FCSK: variants seen among roughly 807,000 people sequenced by gnomAD.
The protein encoded by FCSK is fucose kinase, also known as L-fucose kinase.
Under a neutral mutation model 122.5 loss-of-function variants are expected in FCSK, and 123 were observed. The ratio of observed to expected loss-of-function variants is 1.00; its 90% CI spans 0.87 to 1.17. The LOEUF (loss-of-function observed/expected upper bound fraction) is 1.17. Ranked by LOEUF, FCSK falls within the 50% of genes most tolerant of loss-of-function variation. The pLI is 0.00. For synonymous variants in FCSK, 620 were observed against 625.5 expected, an observed-to-expected ratio of 0.99 and a Z score of 0.13; for missense variants, 1,366 against 1,450.4, an observed-to-expected ratio of 0.94 and a Z score of 0.95.
At chr16:70,470,617 C>T (rs1430791467) in intron 11 of FCSK, among the ~76,000 whole-genome samples, 191 bp downstream of exon 11, 2 of 152,190 alleles carry the variant, frequency 1.3e-5, no homozygotes, top group Non-Finnish European at 2.9e-5. Context: ...CAGTAAGTGG[C>T]CAACTCAGGA....
Position 70,463,153 on chromosome 16 carries a change from C to T in FCSK, c.-22-16C>T, listed in dbSNP as rs767795572. On this transcript the variant is annotated splice_polypyrimidine_tract_variant and intron_variant, in intron 1 of 23. Transcript: ENST00000288078. ...GGTTTAAAAAATAGTCACATCTACC[C>T]ATATTGCTGTCTCAGGAAGCCCCTC... 3.5e-6 allele frequency: 5 copies of T among 1,441,162 alleles called. No homozygotes were observed. Among genetic ancestry groups the T allele is most frequent in the Non-Finnish European group, 4.9e-6 (5 of 1,026,934 alleles). The allele number at this position is 1,441,162 out of a possible 1,614,324, so 89.3% of individuals were successfully genotyped here. A position where few individuals can be genotyped will look rare whatever the true frequency, so the allele number is the denominator to read the frequency against.
chr16:70,478,873 A>C, intron 22 of FCSK: 1 of 699,030 alleles, frequency 1.4e-6, no homozygotes, highest in East Asian at 2.7e-5. Context: ...CCTAACAGGA[A>C]GCAGAGAGGG....
At chr16:70,470,540 AC>A (rs1265561575) in intron 11 of FCSK, 114 bp downstream of exon 11, 1 of 685,190 alleles carries the variant, frequency 1.5e-6, no homozygotes, top group Non-Finnish European at 2.5e-6. Context: ...TGCAGGTGTT[AC>A]CCTGGTTTAC....
chr16:70,458,386 C>G (rs1052759657), intron 1 of FCSK, among the ~76,000 whole-genome samples: 2 of 151,048 alleles, frequency 1.3e-5, no homozygotes, highest in Non-Finnish European at 2.9e-5. Flanking sequence ...TCTCAAACTC[C>G]TGACCTCAGG....
Position 70,474,312 on chromosome 16 carries a change from C to T in FCSK, c.1961C>T (p.Ala654Val), listed in dbSNP as rs781368790. The T allele has an allele frequency of 8.1e-6, 13 of 1,613,472 alleles. No individual in the cohort carries two copies. The highest frequency in any genetic ancestry group is 1.1e-5 in the Non-Finnish European group (13 of 1,179,910). The change falls in exon 16 of 24, where the codon GCC (alanine) becomes GTC (valine). Residue 654 changes from alanine to valine, a missense_variant. Transcript: ENST00000288078. ...CTGGCAGCGGGCGTGGAGGCGCTTG[C>T]CCAGGAGAGGGACAAGTGGCTAAGC... ...GDLAAGVEAL[A>V]QERDKWLSRP...
At position 70,472,925 on chromosome 16, in the gene FCSK, G is replaced by A. The variant is rs563832402; in HGVS notation, c.1407-58G>A. ...TGAACTGACAGGCGGCTCAGGGCTTGGGGAAGAGACTGGAGCTTTTGCTTC... is the reference window on the plus strand; with the variant it reads ...TGAACTGACAGGCGGCTCAGGGCTTAGGGAAGAGACTGGAGCTTTTGCTTC... On this transcript the variant is annotated intron_variant, in intron 14 of 23. Coordinates refer to ENST00000288078, the MANE Select transcript of FCSK (RefSeq NM_145059.3). The A allele has an allele frequency of 6.6e-5, 101 of 1,534,420 alleles. 1 individual carries two copies. In the African/African-American group the frequency reaches 1.3e-3, roughly 19 times the overall value.
chr16:70,460,140 T>TCTG (rs2048219014), intron 1 of FCSK, among the ~76,000 whole-genome samples: 1 of 135,024 alleles, frequency 7.4e-6, no homozygotes, highest in Non-Finnish European at 1.6e-5. Flanking sequence ...GGTGTCTCGC[T>TCTG]CTGTCGCCCA....
In FCSK at chr16:70,474,228, G is replaced by A. The variant is rs1165858318; in HGVS notation, c.1877G>A (p.Ser626Asn). ...CMAEGRGGLR[S>N]GPAANPEWMR... ...GCAGAGGGCCGTGGGGGCTTGCGGA[G>A]CGGGCCAGCTGCCAACCCTGAGTGG... Residue 626 changes from serine to asparagine, a missense_variant, in exon 16 of 24, where the codon AGC becomes AAC. Ser to Asn is a conservative substitution (Grantham distance 46). Coordinates refer to ENST00000288078, the MANE Select transcript of FCSK (RefSeq NM_145059.3). The A allele has an allele frequency of 6.2e-7, 1 of 1,601,148 alleles. No homozygotes were observed. The highest frequency in any genetic ancestry group is 2.3e-5 in the East Asian group (1 of 44,260).
At chr16:70,469,424 A>G in intron 10 of FCSK, 101 bp downstream of exon 10, 1 of 1,153,878 alleles carries the variant, frequency 8.7e-7, no homozygotes, top group South Asian at 1.5e-5. Context: ...AGCCCAGCAC[A>G]GGGACTGGGC....
At position 70,471,264 on chromosome 16, in the gene FCSK, G is replaced by A. The variant is rs140338721; in HGVS notation, c.1253G>A (p.Arg418His). The change falls in exon 13 of 24, where the codon CGT (arginine) becomes CAT (histidine). Residue 418 changes from arginine to histidine, a missense_variant. Transcript: ENST00000288078. ...HSKALHGREL[R>H]DLVLQGHHTR... ...AAGGCCCTGCATGGCCGGGAGCTGC[G>A]TGACCTTGTCCTGCAGGGACACCAC... 1,319 of 1,609,768 alleles carry A rather than the reference G, an allele frequency of 8.2e-4. 12 individuals are homozygous for A. Among genetic ancestry groups the A allele is most frequent in the South Asian group, 1.5e-4 (14 of 90,390 alleles).
In FCSK at chr16:70,471,174, C is replaced by G. The variant is rs1355500760; in HGVS notation, c.1171-8C>G. The stretch of plus-strand genomic sequence containing the variant: ...CCCACCCAGGATGCCTGCCCTGTCC[C>G]CCACCAGGGCCCCATTCACATAGGC... On this transcript the variant is annotated splice_polypyrimidine_tract_variant and splice_region_variant and intron_variant, in intron 12 of 23. Transcript: ENST00000288078. 1.3e-5 allele frequency: 20 copies of G among 1,599,028 alleles called. No individual in the cohort carries two copies. The highest frequency in any genetic ancestry group is 5.0e-5 in the Admixed American group (3 of 59,478).
At chr16:70,467,049 C>T (rs769214785) in intron 6 of FCSK, 95 bp downstream of exon 6, 3 of 1,157,662 alleles carry the variant, frequency 2.6e-6, no homozygotes, top group African/African-American at 1.5e-5. Flanking sequence ...CTGGGCCTGC[C>T]CCGCTGCCCT....
chr16:70,467,302 C>T (rs1406376274), intron 6 of FCSK, 72 bp from the exon 7 acceptor site: 1 of 1,120,346 alleles, frequency 8.9e-7, no homozygotes, highest in Non-Finnish European at 1.3e-6. Context: ...TGGGCTCTTG[C>T]TTCCACCTGG....
At position 70,466,877 on chromosome 16, in the gene FCSK, C is replaced by T. The variant is rs79822893; in HGVS notation, c.412-5C>T. ...CAGCTGTGTTCTGTCTCCTTCCCCC[C>T]ACAGCTGGGCCCGGGCTCCCCGCCA... On this transcript the variant is annotated splice_region_variant and splice_polypyrimidine_tract_variant and intron_variant, in intron 5 of 23. Coordinates refer to ENST00000288078, the MANE Select transcript of FCSK (RefSeq NM_145059.3). 5.4e-5 allele frequency: 87 copies of T among 1,612,804 alleles called. No homozygotes were observed. The highest frequency in any genetic ancestry group is 4.7e-4 in the South Asian group (43 of 90,992).
At chr16:70,459,990 T>C (rs753389869) in intron 1 of FCSK, among the ~76,000 whole-genome samples, 35 of 151,790 alleles carry the variant, frequency 2.3e-4, no homozygotes, top group Non-Finnish European at 3.8e-4. Context: ...TTAGTAGAGA[T>C]GGGGTTTCAC....
Position 70,473,303 on chromosome 16 carries a change from C to A in FCSK, c.1727C>A (p.Ala576Asp). The change falls in exon 15 of 24, where the codon GCT becomes GAT. Residue 576 changes from alanine to aspartate, a missense_variant. Ala to Asp is a moderately radical substitution (Grantham distance 126). Transcript: ENST00000288078. The surrounding 1 kb of genome is among the most constrained non-coding windows in gnomAD (Gnocchi z 4.9). ...QDLSLRPLIWAAVREGCPGPL... is the reference protein window; with the variant it reads ...QDLSLRPLIWDAVREGCPGPL... The stretch of plus-strand genomic sequence containing the variant: ...CTCAGCCTGCGCCCGCTGATCTGGG[C>A]TGCTGTCCGCGAGGGCTGCCCCGGG... The A allele has an allele frequency of 6.6e-7, 1 of 1,523,842 alleles. No homozygotes were observed. 94.4% of individuals were successfully genotyped at this position (1,523,842 alleles called of 1,614,324 possible).
chr16:70,457,966 A>G (rs2048141626), intron 1 of FCSK: 1 of 151,518 alleles, frequency 6.6e-6, no homozygotes, highest in Non-Finnish European at 1.5e-5. Context: ...TAAGGATCCA[A>G]AAGACCCAGG....
At chr16:70,466,377 T>C in intron 5 of FCSK, 120 bp downstream of exon 5, 3 of 1,238,496 alleles carry the variant, frequency 2.4e-6, no homozygotes, top group Non-Finnish European at 3.4e-6. Flanking sequence ...TGAGGGTGCC[T>C]AATGTTAGTT....
At chr16:70,465,561 G>A (rs960254859) in intron 4 of FCSK, among the ~76,000 whole-genome samples, 3 of 152,062 alleles carry the variant, frequency 2.0e-5, no homozygotes, top group Admixed American at 1.3e-4. Context: ...AGGAGGCTGA[G>A]GTGGGAGGAT....
Sources: allele counts gnomAD v4.1 joint callset (sites outside exome capture counted in the v4.1 genomes callset), GRCh38; gene constraint gnomAD v4.1.1; non-coding constraint Gnocchi (gnomAD v3.1); transcripts MANE v1.5; gene names NCBI Gene and HGNC (gene_info 2026-07-23, HGNC 2026-07-21).